GATB: variants seen among roughly 807,000 people sequenced by gnomAD.
GATB encodes glutamyl-tRNA amidotransferase subunit B, also known as glutamyl-tRNA(Gln) amidotransferase subunit B, mitochondrial.
GATB carries 39 observed loss-of-function variants against 62.3 expected under a neutral mutation model. The observed-to-expected ratio is 0.63, with a 90% CI of 0.48 to 0.82. The LOEUF (loss-of-function observed/expected upper bound fraction) is 0.82. GATB is among the 40% of genes least tolerant of loss of function. The pLI, the probability that GATB is intolerant of heterozygous loss-of-function variation, is 0.00. For missense variants in GATB, 670 were observed against 684.0 expected, an observed-to-expected ratio of 0.98 and a Z score of 0.23; for synonymous variants, 276 against 258.9, an observed-to-expected ratio of 1.07 and a Z score of -0.63.
chr4:151,683,340 T>C (rs1488978339), intron 10 of GATB, among the ~76,000 whole-genome samples: 2 of 152,134 alleles, frequency 1.3e-5, no homozygotes, highest in African/African-American at 4.8e-5. Flanking sequence ...CTTCTCCCCA[T>C]CCCGCTGCAC....
chr4:151,684,296 C>T (rs534375581), intron 10 of GATB, among the ~76,000 whole-genome samples: 48 of 152,348 alleles, frequency 3.2e-4, no homozygotes, highest in South Asian at 2.1e-3. Context: ...AGGAAATCTA[C>T]AATGTCTACT....
chr4:151,712,117 G>A (rs1203113413), intron 5 of GATB, among the ~76,000 whole-genome samples: 1 of 152,124 alleles, frequency 6.6e-6, no homozygotes, highest in Non-Finnish European at 1.5e-5. Context: ...TTTGGAAGAG[G>A]AATAAAAGCA....
chr4:151,689,998 C>T (rs900159569), intron 9 of GATB, among the ~76,000 whole-genome samples: 2 of 152,272 alleles, frequency 1.3e-5, no homozygotes, highest in Non-Finnish European at 2.9e-5. Context: ...TAGCAGATTT[C>T]CTTTACCCAT....
At chr4:151,706,810 A>G (rs1041067463) in intron 6 of GATB, among the ~76,000 whole-genome samples, 3 of 152,198 alleles carry the variant, frequency 2.0e-5, no homozygotes, top group African/African-American at 7.2e-5. Context: ...AAACTTTGGC[A>G]ACAGATTCAG....
At chr4:151,719,977 A>G (rs1560855952) in intron 2 of GATB, 1 of 153,042 alleles carries the variant, frequency 6.5e-6, no homozygotes, top group Non-Finnish European at 1.5e-5. Context: ...ACAGAAAAAG[A>G]ATGAACTTCT....
intron 10 of GATB, among the ~76,000 whole-genome samples, chr4:151,684,480 C>T (rs1430180482): frequency 6.6e-6 from 1 of 152,232 alleles, no homozygotes; most frequent in African/African-American, 2.4e-5. Context: ...TAATCATTCT[C>T]TACCAATTTG....
intron 6 of GATB, among the ~76,000 whole-genome samples, chr4:151,706,689 T>A (rs887456536): frequency 1.3e-5 from 2 of 152,140 alleles, no homozygotes; most frequent in South Asian, 2.1e-4. Context: ...TTGATTCACT[T>A]CAGGTTCAGG....
chr4:151,757,318 G>C (rs1265204273), intron 2 of GATB, among the ~76,000 whole-genome samples: 2 of 152,092 alleles, frequency 1.3e-5, no homozygotes, highest in African/African-American at 4.8e-5. Flanking sequence ...TAAGAGAAAA[G>C]TTCCAAGACA....
At chr4:151,672,983 G>A in intron 11 of GATB, 87 bp from the exon 12 acceptor site, 1 of 1,511,386 alleles carries the variant, frequency 6.6e-7, no homozygotes, top group Non-Finnish European at 9.0e-7. Flanking sequence ...GTGTGGAGCT[G>A]GGGTGGGAAT....
chr4:151,688,643 C>T lies in GATB; in HGVS notation c.1318G>A (p.Ala440Thr). ...FLGYLKQQNL[A>T]VSESPVTPSA... is the part of the protein sequence containing the mutation. ...GACCTCACTCACCTCTCACTGACAG[C>T]GAGGTTCTGTTGCTTTAAATAGCCC... The change falls in exon 10 of 13, where the codon GCT becomes ACT. Residue 440 changes from alanine to threonine, a missense_variant. Transcript: ENST00000263985. 8 of 1,606,590 alleles carry T rather than the reference C, an allele frequency of 5.0e-6. No homozygotes were observed. The highest frequency in any genetic ancestry group is 3.4e-5 in the South Asian group (3 of 88,664).
chr4:151,673,649 A>G (rs1170400224), intron 11 of GATB: 1 of 152,208 alleles, frequency 6.6e-6, no homozygotes, highest in Non-Finnish European at 1.5e-5. Flanking sequence ...AATGACAACA[A>G]CAAATCCCCA....
intron 2 of GATB, among the ~76,000 whole-genome samples, chr4:151,732,237 G>A (rs1335469602): frequency 6.6e-6 from 1 of 152,356 alleles, no homozygotes; most frequent in African/African-American, 2.4e-5. Context: ...ACAGCTCATT[G>A]AGAATGGGCC....
intron 2 of GATB, among the ~76,000 whole-genome samples, chr4:151,745,584 A>G (rs1180899153): frequency 6.6e-6 from 1 of 152,256 alleles, no homozygotes; most frequent in Non-Finnish European, 1.5e-5. Context: ...TGCAATGTGC[A>G]TACATATGTT....
intron 10 of GATB, among the ~76,000 whole-genome samples, chr4:151,680,760 A>G (rs749711733): frequency 2.2e-4 from 33 of 152,224 alleles, no homozygotes; most frequent in Non-Finnish European, 4.4e-4. Context: ...GGATTTTGGA[A>G]TATTTGCATT....
At position 151,672,907 on chromosome 4, in the gene GATB, G is replaced by C; in HGVS notation, c.1411-11C>G. 2 of 1,613,742 alleles carry C rather than the reference G, an allele frequency of 1.2e-6. No homozygotes were observed. Among genetic ancestry groups the C allele is most frequent in the South Asian group, 2.2e-5 (2 of 91,002 alleles). On this transcript the variant is annotated splice_polypyrimidine_tract_variant and intron_variant, in intron 11 of 12. Transcript: ENST00000263985. Reference sequence around the variant, plus strand: ...CAGTTCCTCAAACACCTATGGACCAGAGAAGGGAGAGGAAAGAGAAATGAG... The same window carrying C: ...CAGTTCCTCAAACACCTATGGACCACAGAAGGGAGAGGAAAGAGAAATGAG...
chr4:151,723,409 T>C (rs1230027831), intron 2 of GATB: 1 of 152,228 alleles, frequency 6.6e-6, no homozygotes, highest in Non-Finnish European at 1.5e-5. Flanking sequence ...ATATTCAATC[T>C]GAAATCTTAC....
intron 7 of GATB, among the ~76,000 whole-genome samples, chr4:151,704,157 T>C (rs988103730): frequency 1.7e-4 from 26 of 152,186 alleles, no homozygotes; most frequent in East Asian, 1.2e-3. Context: ...TTTGAGCTTT[T>C]TTCAGTATTC....
chr4:151,706,508 A>C (rs1738718705), intron 6 of GATB, among the ~76,000 whole-genome samples: 1 of 152,164 alleles, frequency 6.6e-6, no homozygotes, highest in African/African-American at 2.4e-5. Context: ...TCCCTGACTC[A>C]AACCTTTCAT....
In GATB at chr4:151,758,925, A is replaced by C. The variant is rs1365610999; in HGVS notation, c.177-3T>G. On this transcript the variant is annotated splice_region_variant and splice_polypyrimidine_tract_variant and intron_variant, in intron 1 of 12. Coordinates refer to ENST00000263985, the MANE Select transcript of GATB (RefSeq NM_004564.3). The stretch of plus-strand genomic sequence containing the variant: ...CCACAGCAGCCCATTTGTGTTCACT[A>C]AGAAGAAAGAGATAATGGTTAAGAT... 1 of 1,594,280 alleles carries C rather than the reference A, an allele frequency of 6.3e-7. No individual in the cohort carries two copies. Among genetic ancestry groups the C allele is most frequent in the Non-Finnish European group, 8.5e-7 (1 of 1,170,784 alleles).
Sources: allele counts gnomAD v4.1 joint callset (sites outside exome capture counted in the v4.1 genomes callset), GRCh38; gene constraint gnomAD v4.1.1; transcripts MANE v1.5; gene names NCBI Gene and HGNC (gene_info 2026-07-23, HGNC 2026-07-21).